The following ZNF804B variants were observed in gnomAD, a reference collection of about 807,000 sequenced individuals.
ZNF804B encodes the protein zinc finger protein 804B.
In ZNF804B, 80 loss-of-function variants were observed where a neutral mutation model predicts 101.4. The ratio of observed to expected loss-of-function variants is 0.79; its 90% CI spans 0.66 to 0.95. The LOEUF is 0.95. Among genes scored for constraint, ZNF804B ranks in the 40% least tolerant of loss-of-function variants. The pLI, the probability that ZNF804B is intolerant of heterozygous loss-of-function variation, is 0.00. For synonymous variants in ZNF804B, 622 were observed against 558.8 expected (o/e 1.11, Z -1.59); for missense variants, 1,673 against 1,561.9 (o/e 1.07, Z -1.20).
intron 1 of ZNF804B, among the ~76,000 whole-genome samples, chr7:89,158,934 T>C (rs7793626): frequency 0.41 from 61,733 of 151,984 alleles, 13,124 homozygotes; most frequent in Non-Finnish European, 0.47. Context: ...GAAAATATTT[T>C]TCATATCATA....
At chr7:89,040,732 A>C (rs1202539007) in intron 1 of ZNF804B, among the ~76,000 whole-genome samples, 2 of 152,070 alleles carry the variant, frequency 1.3e-5, no homozygotes, top group Admixed American at 1.3e-4. Context: ...AGAAGTGGAC[A>C]CCTCTTCTAG....
chr7:88,997,933 C>G (rs575703179), intron 1 of ZNF804B, among the ~76,000 whole-genome samples: 2 of 152,084 alleles, frequency 1.3e-5, no homozygotes, highest in Non-Finnish European at 2.9e-5. Context: ...TTTTGACATT[C>G]TCTTATGTTG....
chr7:89,203,776 C>G (rs1312653080), intron 1 of ZNF804B, among the ~76,000 whole-genome samples: 1 of 151,996 alleles, frequency 6.6e-6, no homozygotes, highest in Admixed American at 6.6e-5. Context: ...GAGAGATGTC[C>G]TTGGTGTTTT....
At chr7:88,840,810 G>A (rs185007030) in intron 1 of ZNF804B, among the ~76,000 whole-genome samples, 1 of 152,240 alleles carries the variant, frequency 6.6e-6, no homozygotes, top group African/African-American at 2.4e-5. Flanking sequence ...CTTAATGAGT[G>A]AGAAAACAGC....
chr7:88,778,970 T>G (rs1322437700), intron 1 of ZNF804B, among the ~76,000 whole-genome samples: 1 of 152,288 alleles, frequency 6.6e-6, no homozygotes, highest in South Asian at 2.1e-4. Flanking sequence ...AAAATTGGGG[T>G]TTTAAAATTT....
chr7:89,084,810 A>G (rs1789764026), intron 1 of ZNF804B, among the ~76,000 whole-genome samples: 1 of 152,000 alleles, frequency 6.6e-6, no homozygotes, highest in African/African-American at 2.4e-5. Flanking sequence ...ATTACTATTT[A>G]TATGATTTCT....
chr7:88,806,798 T>C (rs955314479), intron 1 of ZNF804B, among the ~76,000 whole-genome samples: 5 of 152,268 alleles, frequency 3.3e-5, no homozygotes, highest in Non-Finnish European at 5.9e-5. Context: ...AGGTGATATT[T>C]AATAAGTTTC....
Position 88,877,006 on chromosome 7 carries a change from AAAT to A in ZNF804B, c.108+116924_108+116926del, listed in dbSNP as rs1349169855. 3.6e-4 allele frequency among the ~76,000 whole-genome samples: 30 copies of A among 84,256 alleles called. 2 individuals are homozygous for A. The highest frequency in any genetic ancestry group is 2.0e-3 in the African/African-American group (22 of 10,924). The allele number at this position is 84,256 out of a possible 152,430, so 55.3% of individuals were successfully genotyped here. A position where few individuals can be genotyped will look rare whatever the true frequency, so the allele number is the denominator to read the frequency against. ...TTATACAGAGAATATTTGAAAAAAA[AAAT>A]ATATATATATATATATAATATATAT... On this transcript the variant is annotated intron_variant, in intron 1 of 3. Coordinates refer to ENST00000333190, the MANE Select transcript of ZNF804B (RefSeq NM_181646.5).
At chr7:88,829,197 C>T (rs1791094278) in intron 1 of ZNF804B, among the ~76,000 whole-genome samples, 2 of 151,970 alleles carry the variant, frequency 1.3e-5, no homozygotes, top group Admixed American at 1.3e-4. Context: ...CTCCTGGGCT[C>T]CTCCCACCTC....
chr7:88,954,252 A>C (rs879574307), intron 1 of ZNF804B, among the ~76,000 whole-genome samples: 1 of 151,752 alleles, frequency 6.6e-6, no homozygotes, highest in Non-Finnish European at 1.5e-5. Context: ...AATCAGAGAA[A>C]ACTAATTTGT....
rs1264884843 is a variant in ZNF804B, at chr7:88,854,596, C to A, written c.108+94512C>A. 2.3e-5 allele frequency among the ~76,000 whole-genome samples: 3 copies of A among 129,706 alleles called. No individual in the cohort carries two copies. The East Asian group carries it at 6.8e-4, about 29-fold the overall frequency. The allele number at this position is 129,706 out of a possible 152,430, so 85.1% of individuals were successfully genotyped here. On this transcript the variant is annotated intron_variant, in intron 1 of 3. Coordinates refer to ENST00000333190, the MANE Select transcript of ZNF804B (RefSeq NM_181646.5). ...CTTCCTTCCTTCCTTCCCTTTATTC[C>A]TTCCCTTTCTTCGCTTTTTTTTTAT...
At chr7:89,162,135 G>A (rs1041078758) in intron 1 of ZNF804B, among the ~76,000 whole-genome samples, 2 of 151,940 alleles carry the variant, frequency 1.3e-5, no homozygotes, top group Non-Finnish European at 2.9e-5. Flanking sequence ...CAGGGGCGGG[G>A]GGAAGTCTTA....
intron 1 of ZNF804B, among the ~76,000 whole-genome samples, chr7:88,872,902 C>A (rs1179971992): frequency 1.2e-4 from 18 of 151,466 alleles, no homozygotes; most frequent in African/African-American, 4.4e-4. Flanking sequence ...CAAGTCTTTG[C>A]TATTGTGAAT....
intron 1 of ZNF804B, among the ~76,000 whole-genome samples, chr7:89,134,130 A>G (rs1322184534): frequency 6.6e-6 from 1 of 152,076 alleles, no homozygotes; most frequent in Non-Finnish European, 1.5e-5. Flanking sequence ...TAAGCAAACA[A>G]AAAATACCCT....
At chr7:89,156,646 A>G (rs532484096) in intron 1 of ZNF804B, among the ~76,000 whole-genome samples, 21 of 152,128 alleles carry the variant, frequency 1.4e-4, no homozygotes, top group African/African-American at 4.1e-4. Flanking sequence ...CTATCTATAT[A>G]TTTACAGAAA....
At chr7:88,906,201 C>G (rs1336287797) in intron 1 of ZNF804B, among the ~76,000 whole-genome samples, 2 of 151,206 alleles carry the variant, frequency 1.3e-5, no homozygotes, top group Non-Finnish European at 3.0e-5. Context: ...CGTTTTTGTT[C>G]TTTTGAAGAA....
Position 88,820,972 on chromosome 7 carries a change from T to C in ZNF804B, c.108+60888T>C, listed in dbSNP as rs74639820. Among the ~76,000 whole-genome samples the C allele has an allele frequency of 5.6e-4, 85 of 152,260 alleles. 3 individuals carry two copies. In the East Asian group the frequency reaches 0.016, roughly 29 times the overall value. ...GCTTGGCTGGTGCTGCTACAATTAA[T>C]AGCCTAAAAGTGTCACAGCTACCTC... On this transcript the variant is annotated intron_variant, in intron 1 of 3. Coordinates refer to ENST00000333190, the MANE Select transcript of ZNF804B (RefSeq NM_181646.5).
chr7:89,105,665 T>G (rs1329429162), intron 1 of ZNF804B, among the ~76,000 whole-genome samples: 3 of 152,106 alleles, frequency 2.0e-5, no homozygotes, highest in Non-Finnish European at 4.4e-5. Flanking sequence ...TACGGGGCTT[T>G]CGTCTCACAC....
intron 1 of ZNF804B, among the ~76,000 whole-genome samples, chr7:89,158,951 A>G (rs1029026833): frequency 2.6e-5 from 4 of 152,162 alleles, no homozygotes; most frequent in African/African-American, 9.6e-5. Flanking sequence ...CATATAATAC[A>G]GAGATTGTCC....
Sources: gnomAD v4.1 joint callset for allele counts (sites outside exome capture counted in the v4.1 genomes callset) on GRCh38, gnomAD v4.1.1 for gene constraint, MANE v1.5 for transcripts, NCBI Gene and HGNC (gene_info 2026-07-23, HGNC 2026-07-21) for gene names.